VIRMA: variants seen among roughly 807,000 people sequenced by gnomAD.
The protein encoded by VIRMA is vir like m6A methyltransferase associated.
Under a neutral mutation model 182.4 loss-of-function variants are expected in VIRMA, and 65 were observed. The observed-to-expected ratio is 0.36, with a 90% CI of 0.29 to 0.44. VIRMA has a LOEUF of 0.44. VIRMA is among the 20% of genes least tolerant of loss of function. The pLI is 1.00. For synonymous variants in VIRMA, 709 were observed against 743.1 expected (o/e 0.95, Z 0.75); for missense variants, 1,752 against 2,158.1 (o/e 0.81, Z 3.73).
chr8:94,507,480 C>A (rs1286096826), intron 15 of VIRMA, among the ~76,000 whole-genome samples: 3 of 151,574 alleles, frequency 2.0e-5, no homozygotes, highest in Non-Finnish European at 4.4e-5. Context: ...TAAGGCTCGG[C>A]ACAGTGGCTC....
Position 94,496,760 on chromosome 8 carries a change from G to A in VIRMA, c.4231-280C>T, listed in dbSNP as rs1042766577. ...GGCAAAACACTGGCAGTTGTAGGAC[G>A]TGACACACTGATTGATGCTCAAGAA... is the stretch of plus-strand genomic sequence containing the variant. On this transcript the variant is annotated intron_variant, in intron 17 of 23. Transcript: ENST00000297591. 3.5e-5 allele frequency: 10 copies of A among 283,230 alleles called. 1 individual carries two copies. The highest frequency in any genetic ancestry group is 1.3e-4 in the South Asian group (1 of 7,720). 17.5% of individuals were successfully genotyped at this position (283,230 alleles called of 1,614,324 possible). A position where few individuals can be genotyped will look rare whatever the true frequency, so the allele number is the denominator to read the frequency against.
intron 8 of VIRMA, among the ~76,000 whole-genome samples, chr8:94,523,424 T>A (rs940328046): frequency 5.3e-5 from 8 of 152,198 alleles, no homozygotes; most frequent in African/African-American, 1.9e-4. Flanking sequence ...AAATTTCTTG[T>A]TTTGAGACAC....
intron 7 of VIRMA, among the ~76,000 whole-genome samples, chr8:94,528,206 T>C (rs1429670347): frequency 1.4e-5 from 2 of 139,680 alleles, no homozygotes; most frequent in African/African-American, 5.4e-5. Context: ...CGCTCCAGTC[T>C]GGGTCATGGA....
rs1239714315 is a variant in VIRMA, at chr8:94,526,455, T to C, written c.1789A>G (p.Thr597Ala). 10 of 1,613,876 alleles carry C rather than the reference T, an allele frequency of 6.2e-6. No individual in the cohort carries two copies. Among genetic ancestry groups the C allele is most frequent in the Non-Finnish European group, 8.5e-6 (10 of 1,180,000 alleles). ...ACCTCATTTTCATATTCTGGGTTTG[T>C]TCTCTCAAGTCCAGCATCTGTGTCG... The part of the protein sequence containing the change: ...DHDTDAGLER[T>A]NPEYENEVEA... The change falls in exon 8 of 24, where the codon ACA (threonine) becomes GCA (alanine). Residue 597 changes from threonine (T) to alanine (A), a missense_variant. By Grantham distance (58) the Thr-to-Ala change is moderately conservative. This residue lies in a region of VIRMA where 401 missense variants were observed against 455.1 expected (regional missense o/e 0.88). Coordinates refer to ENST00000297591, the MANE Select transcript of VIRMA (RefSeq NM_015496.5).
Position 94,526,574 on chromosome 8 carries a change from C to A in VIRMA, c.1670G>T (p.Cys557Phe). Residue 557 changes from cysteine to phenylalanine, a missense_variant, in exon 8 of 24, where the codon TGC (cysteine) becomes TTC (phenylalanine). Coordinates refer to ENST00000297591, the MANE Select transcript of VIRMA (RefSeq NM_015496.5). ...CTCTGACAAGACTTCATAGAAATGG[C>A]ATTTTTGGAGAATAGCTGAACCAGC... is the stretch of plus-strand genomic sequence containing the variant. ...VTAGSAILQK[C>F]HFYEVLSEIK... The A allele has an allele frequency of 6.2e-7, 1 of 1,613,804 alleles. No individual in the cohort carries two copies. The highest frequency in any genetic ancestry group is 1.1e-5 in the South Asian group (1 of 90,992).
intron 10 of VIRMA, among the ~76,000 whole-genome samples, chr8:94,515,561 G>A (rs543918687): frequency 6.6e-6 from 1 of 151,386 alleles, no homozygotes; most frequent in African/African-American, 2.4e-5. Flanking sequence ...TTGTAGAGAT[G>A]GGGTTTCACC....
At chr8:94,544,141 A>G (rs1815677769) in intron 1 of VIRMA, among the ~76,000 whole-genome samples, 199 bp from the exon 2 acceptor site, 1 of 152,042 alleles carries the variant, frequency 6.6e-6, no homozygotes, top group Admixed American at 6.6e-5. Flanking sequence ...TTTGCCTAAC[A>G]TTTTCTGCCA....
At chr8:94,549,695 A>G (rs890096908) in intron 1 of VIRMA, among the ~76,000 whole-genome samples, 1 of 152,250 alleles carries the variant, frequency 6.6e-6, no homozygotes, top group African/African-American at 2.4e-5. Flanking sequence ...CCTTAGAGCC[A>G]GAAAAATGTA....
intron 7 of VIRMA, among the ~76,000 whole-genome samples, chr8:94,527,700 T>C (rs573099322): frequency 6.6e-6 from 1 of 152,304 alleles, no homozygotes; most frequent in East Asian, 1.9e-4. Context: ...AACAAAAATA[T>C]CTATCTCAGG....
chr8:94,501,726 GAC>G (rs1277100298), intron 16 of VIRMA, among the ~76,000 whole-genome samples: 1 of 152,276 alleles, frequency 6.6e-6, no homozygotes, highest in African/African-American at 2.4e-5. Context: ...GGAAGGCAGA[GAC>G]AGGTGGATCA....
intron 1 of VIRMA, among the ~76,000 whole-genome samples, chr8:94,549,457 A>C (rs776629104): frequency 6.6e-6 from 1 of 152,194 alleles, no homozygotes; most frequent in Non-Finnish European, 1.5e-5. Flanking sequence ...GGGGCAAATT[A>C]ATCTGGCTAA....
chr8:94,517,372 T>G (rs1814596313), intron 10 of VIRMA, among the ~76,000 whole-genome samples: 1 of 152,124 alleles, frequency 6.6e-6, no homozygotes, highest in Non-Finnish European at 1.5e-5. Flanking sequence ...CCAGCTAATT[T>G]TTGTATTATT....
rs1310576982 is a variant in VIRMA, at chr8:94,490,212, A to G, written c.5141-130T>C. 3 of 1,007,568 alleles carry G rather than the reference A, an allele frequency of 3.0e-6. No individual in the cohort carries two copies. In the African/African-American group the frequency reaches 4.9e-5, roughly 16 times the overall value. 62.4% of individuals were successfully genotyped at this position (1,007,568 alleles called of 1,614,324 possible). Reference sequence around the variant, plus strand: ...AAATTCTGCAAACTGACTGTACTATATAGTGGCAACATCACAGTGGTTAAG... The same window carrying G: ...AAATTCTGCAAACTGACTGTACTATGTAGTGGCAACATCACAGTGGTTAAG... On this transcript the variant is annotated intron_variant, in intron 22 of 23. Coordinates refer to ENST00000297591, the MANE Select transcript of VIRMA (RefSeq NM_015496.5).
chr8:94,534,125 A>T (rs1815258392), intron 5 of VIRMA: 1 of 152,218 alleles, frequency 6.6e-6, no homozygotes. Flanking sequence ...AAGCCACTGA[A>T]GTTCTTATTT....
chr8:94,531,206 A>T, intron 5 of VIRMA, 121 bp from the exon 6 acceptor site: 1 of 1,126,322 alleles, frequency 8.9e-7, no homozygotes. Flanking sequence ...AGAGATCTAA[A>T]ATATGGTATT....
In VIRMA at chr8:94,529,200, T is replaced by G; in HGVS notation, c.750A>C (p.Glu250Asp). Residue 250 changes from glutamate (E) to aspartate (D), a missense_variant, in exon 7 of 24, where the codon GAA becomes GAC. Physicochemically the swap from Glu to Asp is conservative, Grantham distance 45 (BLOSUM62 2). Around this residue, in one of 11 missense-constraint regions of VIRMA, gnomAD observed 114 missense variants for 106.9 expected, o/e 1.07. Transcript: ENST00000297591. ...CCTCTACATCCACATCATCTTCATC[T>G]TCTTCTCCTTCTTCTTGTTGTTCCT... ...VEEEQQEEGEEDEDDVDVEEE... is the reference protein window; with the variant it reads ...VEEEQQEEGEDDEDDVDVEEE... The G allele has an allele frequency of 6.7e-7, 1 of 1,485,676 alleles. No individual in the cohort carries two copies. The highest frequency in any genetic ancestry group is 9.4e-7 in the Non-Finnish European group (1 of 1,063,282). The allele number at this position is 1,485,676 out of a possible 1,614,324, so 92.0% of individuals were successfully genotyped here.
Position 94,523,826 on chromosome 8 carries a change from CTG to C in VIRMA, c.2021+2395_2021+2396del, listed in dbSNP as rs771026325. Among the ~76,000 whole-genome samples, 11 of 150,708 alleles carry C rather than the reference CTG, an allele frequency of 7.3e-5. No individual in the cohort carries two copies. The East Asian group carries it at 2.0e-3, about 27-fold the overall frequency. On this transcript the variant is annotated intron_variant, in intron 8 of 23. Coordinates refer to ENST00000297591, the MANE Select transcript of VIRMA (RefSeq NM_015496.5). The stretch of plus-strand genomic sequence containing the variant: ...TCTTTTTTTGAGATAGCATCTCACT[CTG>C]TTGCCCAGGCTGGAGTGCAGTGGCC...
intron 1 of VIRMA, among the ~76,000 whole-genome samples, chr8:94,549,497 C>T (rs1299016238): frequency 1.3e-5 from 2 of 152,234 alleles, no homozygotes; most frequent in South Asian, 2.1e-4. Context: ...CTCACTTCCA[C>T]ACTCTTACCA....
chr8:94,512,829 A>T (rs1814425009), intron 11 of VIRMA, among the ~76,000 whole-genome samples: 2 of 152,204 alleles, frequency 1.3e-5, no homozygotes, highest in Non-Finnish European at 2.9e-5. Context: ...TTCAAAAGTG[A>T]GGAAGCAGCA....
Sources: gnomAD v4.1 joint callset for allele counts (sites outside exome capture counted in the v4.1 genomes callset) on GRCh38, gnomAD v4.1.1 for gene constraint, gnomAD v4.1.1 regional missense constraint, MANE v1.5 for transcripts, NCBI Gene and HGNC (gene_info 2026-07-23, HGNC 2026-07-21) for gene names.